ROR2: variants seen among roughly 807,000 people sequenced by gnomAD.
ROR2 encodes the protein tyrosine-protein kinase transmembrane receptor ROR2.
A neutral mutation model predicts 74.9 loss-of-function variants in ROR2; 33 were observed. The ratio of observed to expected loss-of-function variants is 0.44; its 90% CI spans 0.33 to 0.59. The LOEUF (loss-of-function observed/expected upper bound fraction) is 0.59, where lower values mean the gene tolerates loss of function less well. ROR2 is among the 20% of genes least tolerant of loss of function. The pLI is 0.02. For missense variants in ROR2, 1,216 were observed against 1,313.8 expected (o/e 0.93, Z 1.15); for synonymous variants, 586 against 558.7 (o/e 1.05, Z -0.69).
At chr9:91,913,313 A>G (rs1375817130) in intron 1 of ROR2, among the ~76,000 whole-genome samples, 1 of 152,214 alleles carries the variant, frequency 6.6e-6, no homozygotes, top group Non-Finnish European at 1.5e-5. Context: ...TTCACAGTAG[A>G]TACCGGTTGA....
chr9:91,723,886 T>C lies in ROR2; in HGVS notation c.2608A>G (p.Ser870Gly), dbSNP rs774526992. 7 of 1,613,922 alleles carry C rather than the reference T, an allele frequency of 4.3e-6. No homozygotes were observed. In the African/African-American group the frequency reaches 9.3e-5, roughly 22 times the overall value. ...SSHHSGSGST[S>G]TGYVTTAPSN... is the part of the protein sequence containing the mutation. ...GGGGCCGTGGTGACGTAGCCTGTGC[T>C]GGTGGAGCCACTGCCACTGTGGTGT... Residue 870 changes from serine to glycine, a missense_variant, in exon 9 of 9, where the codon AGC becomes GGC. Transcript: ENST00000375708.
intron 1 of ROR2, among the ~76,000 whole-genome samples, chr9:91,871,860 A>G (rs1162496747): frequency 6.6e-6 from 1 of 152,120 alleles, no homozygotes; most frequent in Non-Finnish European, 1.5e-5. Context: ...ACCCAACAGC[A>G]CCACCAACCA....
intron 1 of ROR2, among the ~76,000 whole-genome samples, chr9:91,867,676 G>GTGTGTGTA (rs1829676653): frequency 6.6e-6 from 1 of 151,444 alleles, no homozygotes; most frequent in Admixed American, 6.6e-5. Flanking sequence ...GTGTGTGTGT[G>GTGTGTGTA]TGTGTGTGTG....
chr9:91,808,457 C>T (rs1827636668), intron 1 of ROR2, among the ~76,000 whole-genome samples: 1 of 142,162 alleles, frequency 7.0e-6, no homozygotes, highest in Admixed American at 7.1e-5. Flanking sequence ...TGGTGAAAGC[C>T]CGTCTGTACT....
chr9:91,802,563 T>G (rs1827423632), intron 1 of ROR2, among the ~76,000 whole-genome samples: 1 of 152,102 alleles, frequency 6.6e-6, no homozygotes, highest in South Asian at 2.1e-4. Context: ...AAACACCATT[T>G]AAACACAGGC....
intron 1 of ROR2, among the ~76,000 whole-genome samples, chr9:91,810,209 G>C (rs1009784496): frequency 6.6e-6 from 1 of 152,208 alleles, no homozygotes; most frequent in Non-Finnish European, 1.5e-5. Flanking sequence ...ATGGTTTCCT[G>C]AAGTTCACCA....
chr9:91,903,318 C>T (rs1182206856), intron 1 of ROR2, among the ~76,000 whole-genome samples: 2 of 151,920 alleles, frequency 1.3e-5, no homozygotes, highest in African/African-American at 2.4e-5. Context: ...ACACCCCAAC[C>T]CGCTGGCTTC....
chr9:91,829,800 A>G (rs187039110), intron 1 of ROR2, among the ~76,000 whole-genome samples: 78 of 152,290 alleles, frequency 5.1e-4, no homozygotes, highest in African/African-American at 1.8e-3. Context: ...ATTAAAAATG[A>G]TAGTTAGGTA....
At chr9:91,796,771 A>G (rs144437686) in intron 1 of ROR2, among the ~76,000 whole-genome samples, 1,519 of 96,660 alleles carry the variant, frequency 0.016, 18 homozygotes, top group East Asian at 0.056. Context: ...TTCTGTGGGC[A>G]GGGCTGACAC....
In ROR2 at chr9:91,722,702, A is replaced by G; in HGVS notation, c.*960T>C. On this transcript the variant is annotated 3_prime_UTR_variant, in exon 9 of 9. Coordinates refer to ENST00000375708, the MANE Select transcript of ROR2 (RefSeq NM_004560.4). ...GGCTGCCTGTGGGTCTGTGTGTAACAGGGGCTGTAAAATGAATGGACCTCA... is the reference window on the plus strand; with the variant it reads ...GGCTGCCTGTGGGTCTGTGTGTAACGGGGGCTGTAAAATGAATGGACCTCA... 1.3e-6 allele frequency: 1 copy of G among 745,512 alleles called. No homozygotes were observed. The highest frequency in any genetic ancestry group is 2.5e-5 in the East Asian group (1 of 40,506). The allele number at this position is 745,512 out of a possible 1,614,324, so 46.2% of individuals were successfully genotyped here.
intron 7 of ROR2, among the ~76,000 whole-genome samples, chr9:91,729,045 T>C (rs1415276414): frequency 6.6e-6 from 1 of 151,530 alleles, no homozygotes; most frequent in African/African-American, 2.4e-5. Context: ...ATTTTTTTCA[T>C]GCTTTGATTT....
intron 1 of ROR2, among the ~76,000 whole-genome samples, chr9:91,946,610 T>C (rs973513321): frequency 1.3e-5 from 2 of 152,268 alleles, no homozygotes; most frequent in African/African-American, 4.8e-5. Flanking sequence ...GCGTTAACTT[T>C]CTTTTCCCTG....
At chr9:91,775,299 T>G (rs557633196) in intron 2 of ROR2, among the ~76,000 whole-genome samples, 1 of 152,324 alleles carries the variant, frequency 6.6e-6, no homozygotes, top group East Asian at 1.9e-4. Context: ...CTATGGTGCA[T>G]TCCTGCAAGG....
chr9:91,864,524 C>A (rs1829569926), intron 1 of ROR2, among the ~76,000 whole-genome samples: 1 of 152,208 alleles, frequency 6.6e-6, no homozygotes, highest in African/African-American at 2.4e-5. Context: ...GATTTTCTTG[C>A]CAAATTTTGC....
intron 1 of ROR2, among the ~76,000 whole-genome samples, chr9:91,794,033 T>C (rs1233664998): frequency 6.6e-6 from 1 of 152,232 alleles, no homozygotes; most frequent in Non-Finnish European, 1.5e-5. Context: ...GGAATTTATC[T>C]TCCAGGCTAT....
intron 2 of ROR2, among the ~76,000 whole-genome samples, chr9:91,764,769 G>C: frequency 6.6e-6 from 1 of 152,032 alleles, no homozygotes; most frequent in East Asian, 1.9e-4. Flanking sequence ...TTCATTCTTT[G>C]GGTAAAGGAC....
At chr9:91,770,968 T>C (rs1029005869) in intron 2 of ROR2, among the ~76,000 whole-genome samples, 1 of 152,216 alleles carries the variant, frequency 6.6e-6, no homozygotes, top group Admixed American at 6.5e-5. Context: ...ATGGTCTCCA[T>C]GTCAGCTCAG....
intron 1 of ROR2, chr9:91,948,603 G>A: frequency 3.0e-6 from 3 of 985,478 alleles, no homozygotes; most frequent in Non-Finnish European, 3.6e-6. Context: ...TCTGACTCGC[G>A]TACCTTGGGC....
intron 1 of ROR2, among the ~76,000 whole-genome samples, chr9:91,925,938 G>A (rs1020182809): frequency 2.0e-5 from 3 of 152,220 alleles, no homozygotes; most frequent in African/African-American, 4.8e-5. Flanking sequence ...CATGATTTGC[G>A]TGCACACTTA....
Sources: gnomAD v4.1 joint callset for allele counts (sites outside exome capture counted in the v4.1 genomes callset) on GRCh38, gnomAD v4.1.1 for gene constraint, MANE v1.5 for transcripts, NCBI Gene and HGNC (gene_info 2026-07-23, HGNC 2026-07-21) for gene names.